SGCZ: variants seen among roughly 807,000 people sequenced by gnomAD.
SGCZ encodes the protein sarcoglycan zeta, also known as zeta-sarcoglycan.
A neutral mutation model predicts 41.3 loss-of-function variants in SGCZ; 40 were observed. That is an observed-to-expected ratio of 0.97 (90% CI 0.75 to 1.26). The LOEUF (loss-of-function observed/expected upper bound fraction) is 1.26. Among genes scored for constraint, SGCZ ranks in the 50% most tolerant of loss-of-function variants. The pLI is 0.00. For missense variants in SGCZ, 552 were observed against 369.8 expected (o/e 1.49, Z -4.04); for synonymous variants, 206 against 137.5 (o/e 1.50, Z -3.49).
chr8:14,582,490 C>A (rs992028401), intron 1 of SGCZ, among the ~76,000 whole-genome samples: 1 of 151,836 alleles, frequency 6.6e-6, no homozygotes, highest in Non-Finnish European at 1.5e-5. Context: ...TCTGAAAGTT[C>A]CCACACTCTT....
At chr8:14,746,837 T>C (rs1464716332) in intron 1 of SGCZ, among the ~76,000 whole-genome samples, 1 of 152,220 alleles carries the variant, frequency 6.6e-6, no homozygotes, top group Non-Finnish European at 1.5e-5. Context: ...GAATTCAATG[T>C]ATACAGACGT....
chr8:14,578,873 T>G (rs979197761), intron 1 of SGCZ, among the ~76,000 whole-genome samples: 1 of 152,150 alleles, frequency 6.6e-6, no homozygotes, highest in African/African-American at 2.4e-5. Flanking sequence ...ATTTACCACA[T>G]TTAATTAATT....
At chr8:14,530,189 G>A (rs1191620916) in intron 2 of SGCZ, among the ~76,000 whole-genome samples, 5 of 151,514 alleles carry the variant, frequency 3.3e-5, no homozygotes, top group African/African-American at 1.2e-4. Flanking sequence ...ATTCTTAAGA[G>A]GCCTAAGCTA....
chr8:14,507,774 G>T (rs1012706532), intron 2 of SGCZ, among the ~76,000 whole-genome samples: 42 of 135,444 alleles, frequency 3.1e-4, no homozygotes, highest in East Asian at 1.3e-3. Flanking sequence ...TTTTGTTTTT[G>T]TTTTTTTTTT....
intron 1 of SGCZ, among the ~76,000 whole-genome samples, chr8:14,745,472 A>G (rs1312739677): frequency 6.6e-6 from 1 of 151,888 alleles, no homozygotes; most frequent in Non-Finnish European, 1.5e-5. Flanking sequence ...AGTCCCATCT[A>G]CTCTGGAGGT....
At chr8:14,256,550 T>G (rs1411167486) in intron 3 of SGCZ, among the ~76,000 whole-genome samples, 1 of 139,324 alleles carries the variant, frequency 7.2e-6, no homozygotes, top group Non-Finnish European at 1.6e-5. Context: ...TGATGTTCAG[T>G]TGGAATTACT....
chr8:15,205,177 C>T (rs1053465619), intron 1 of SGCZ, among the ~76,000 whole-genome samples: 1 of 151,984 alleles, frequency 6.6e-6, no homozygotes, highest in African/African-American at 2.4e-5. Context: ...AAGGCAATAC[C>T]ACCCCGAACA....
rs144591906 is a variant in SGCZ, at chr8:14,370,979, T to A, written c.235-46775A>T. Among the ~76,000 whole-genome samples the A allele has an allele frequency of 2.0e-4, 30 of 152,146 alleles. No individual in the cohort carries two copies. The East Asian group carries it at 5.6e-3, about 28-fold the overall frequency. On this transcript the variant is annotated intron_variant, in intron 2 of 7. Transcript: ENST00000382080. ...CTGCAGTCACGAATATATCATTCTATGGAGATTATAAATGAAACACACAAA... is the reference window on the plus strand; with the variant it reads ...CTGCAGTCACGAATATATCATTCTAAGGAGATTATAAATGAAACACACAAA...
intron 2 of SGCZ, among the ~76,000 whole-genome samples, chr8:14,352,228 A>C (rs1803125587): frequency 6.6e-6 from 1 of 152,056 alleles, no homozygotes; most frequent in Admixed American, 6.6e-5. Context: ...TTCCAGGCTG[A>C]AGCTAATTGT....
At chr8:15,066,460 G>T in intron 1 of SGCZ, among the ~76,000 whole-genome samples, 1 of 151,334 alleles carries the variant, frequency 6.6e-6, no homozygotes, top group East Asian at 1.9e-4. Flanking sequence ...TTTTAAATCT[G>T]TAAAGATAAT....
chr8:14,211,556 G>A (rs1237974996), intron 4 of SGCZ, among the ~76,000 whole-genome samples: 2 of 152,044 alleles, frequency 1.3e-5, no homozygotes, highest in African/African-American at 2.4e-5. Flanking sequence ...CAGTTCCCCA[G>A]GCTTAAAAGG....
chr8:14,382,609 T>A (rs1804409592), intron 2 of SGCZ, among the ~76,000 whole-genome samples: 1 of 152,164 alleles, frequency 6.6e-6, no homozygotes, highest in Non-Finnish European at 1.5e-5. Context: ...TTGGGGACGT[T>A]CGAGAATATT....
intron 2 of SGCZ, among the ~76,000 whole-genome samples, chr8:14,383,096 T>C (rs1444284889): frequency 6.6e-6 from 1 of 152,184 alleles, no homozygotes; most frequent in Non-Finnish European, 1.5e-5. Context: ...GAATGGCATC[T>C]GTTGGGTCTG....
At chr8:14,149,910 G>C (rs1803646924) in intron 5 of SGCZ, among the ~76,000 whole-genome samples, 1 of 152,040 alleles carries the variant, frequency 6.6e-6, no homozygotes, top group South Asian at 2.1e-4. Flanking sequence ...AAGGTGCCAA[G>C]AACATACAAT....
intron 2 of SGCZ, among the ~76,000 whole-genome samples, chr8:14,515,050 A>G (rs1371867610): frequency 5.3e-5 from 8 of 152,100 alleles, no homozygotes; most frequent in African/African-American, 1.9e-4. Flanking sequence ...TAAACATAGT[A>G]TGTGTAAATG....
At chr8:15,024,447 A>G (rs1430286573) in intron 1 of SGCZ, among the ~76,000 whole-genome samples, 1 of 152,176 alleles carries the variant, frequency 6.6e-6, no homozygotes, top group Non-Finnish European at 1.5e-5. Context: ...AAATCACTGA[A>G]TAAGACCAAT....
chr8:14,663,151 G>A (rs937530210), intron 1 of SGCZ, among the ~76,000 whole-genome samples: 1 of 152,060 alleles, frequency 6.6e-6, no homozygotes, highest in African/African-American at 2.4e-5. Context: ...AATTCTTGAA[G>A]GAACAATAGA....
chr8:15,097,802 A>G (rs150476831), intron 1 of SGCZ, among the ~76,000 whole-genome samples: 12,067 of 100,992 alleles, frequency 0.12, 982 homozygotes, highest in Middle Eastern at 0.18. Flanking sequence ...ATATACGTGT[A>G]TATATATATA....
chr8:14,948,150 C>T (rs1345563798), intron 1 of SGCZ, among the ~76,000 whole-genome samples: 1 of 152,124 alleles, frequency 6.6e-6, no homozygotes, highest in Non-Finnish European at 1.5e-5. Flanking sequence ...TATTCTCTTA[C>T]TAAGCCTGAT....
Sources: gnomAD v4.1 joint callset for allele counts (sites outside exome capture counted in the v4.1 genomes callset) on GRCh38, gnomAD v4.1.1 for gene constraint, MANE v1.5 for transcripts, NCBI Gene and HGNC (gene_info 2026-07-23, HGNC 2026-07-21) for gene names.